DMD: variants seen among roughly 807,000 people sequenced by gnomAD.
The protein encoded by DMD is dystrophin.
In DMD, 63 loss-of-function variants were observed where a neutral mutation model predicts 330.1. The ratio of observed to expected loss-of-function variants is 0.19; its 90% CI spans 0.16 to 0.24. The LOEUF (loss-of-function observed/expected upper bound fraction) is 0.24, where lower values mean the gene tolerates loss of function less well. DMD is among the 10% of genes least tolerant of loss of function. The pLI is 1.00. For missense variants in DMD, 3,344 were observed against 2,684.1 expected (o/e 1.25, Z -5.43); for synonymous variants, 1,223 against 959.8 (o/e 1.27, Z -5.07).
rs1402666638 is a variant in DMD, at chrX:33,261,314, TA to T, written c.7+77944del. Among the ~76,000 whole-genome samples, 14 of 110,662 alleles carry T rather than the reference TA, an allele frequency of 1.3e-4. No homozygotes were observed. The East Asian group carries it at 3.1e-3, about 25-fold the overall frequency. On this transcript the variant is annotated intron_variant, in intron 1 of 17. Transcript: ENST00000288447. ...ATATAGAAGAATAAGAAAGAAAATA[TA>T]AAAAAAGAAAGAGTGTTATAACACA...
intron 44 of DMD, among the ~76,000 whole-genome samples, chrX:32,135,646 C>T (rs1303054503): frequency 8.9e-6 from 1 of 112,013 alleles, no homozygotes; most frequent in Non-Finnish European, 1.9e-5. Context: ...TCACCTGAGC[C>T]TGGATGGTTG....
intron 44 of DMD, among the ~76,000 whole-genome samples, chrX:32,193,029 A>G (rs1196546534): frequency 9.0e-6 from 1 of 111,616 alleles, no homozygotes; most frequent in Non-Finnish European, 1.9e-5. Context: ...TGCCATCCTC[A>G]TGATGATGAG....
chrX:31,247,675 G>A (rs982590691), intron 63 of DMD, among the ~76,000 whole-genome samples: 1 of 110,467 alleles, frequency 9.1e-6, no homozygotes, highest in Non-Finnish European at 1.9e-5. Context: ...ATAGGAGGTC[G>A]TCAAAATATC....
intron 1 of DMD, among the ~76,000 whole-genome samples, chrX:33,221,121 C>T (rs1300344138): frequency 9.0e-6 from 1 of 111,425 alleles, no homozygotes; most frequent in Non-Finnish European, 1.9e-5. Context: ...GTGACAAATT[C>T]TCATTTAAAA....
chrX:32,634,294 G>C (rs2058939920), intron 11 of DMD, among the ~76,000 whole-genome samples: 3 of 111,807 alleles, frequency 2.7e-5, no homozygotes, highest in Non-Finnish European at 5.6e-5. Flanking sequence ...TCTGGAATCA[G>C]GGACCCTAGG....
intron 51 of DMD, among the ~76,000 whole-genome samples, chrX:31,745,613 A>G (rs1000586743): frequency 1.8e-5 from 2 of 112,157 alleles, no homozygotes; most frequent in African/African-American, 3.2e-5. Flanking sequence ...GAAGAATATA[A>G]TAACTCCACT....
chrX:31,776,656 A>G (rs1269000524), intron 50 of DMD, among the ~76,000 whole-genome samples: 1 of 108,846 alleles, frequency 9.2e-6, no homozygotes, highest in East Asian at 2.9e-4. Flanking sequence ...GCAAGGCAAG[A>G]CAAGGCAGGA....
chrX:33,338,626 GACATCA>G (rs2054291279), intron 1 of DMD, among the ~76,000 whole-genome samples: 1 of 111,107 alleles, frequency 9.0e-6, no homozygotes, highest in East Asian at 2.9e-4. Flanking sequence ...CAGCTGGGTC[GACATCA>G]ACTTGGCAAA....
At chrX:32,820,425 G>A (rs1173928501) in intron 5 of DMD, among the ~76,000 whole-genome samples, 1 of 111,262 alleles carries the variant, frequency 9.0e-6, no homozygotes, top group Non-Finnish European at 1.9e-5. Context: ...CTGGGTGACA[G>A]AGCGAGACTC....
intron 43 of DMD, among the ~76,000 whole-genome samples, chrX:32,217,700 T>A (rs2097117991): frequency 9.1e-6 from 1 of 109,952 alleles, no homozygotes; most frequent in African/African-American, 3.4e-5. Flanking sequence ...CCAAGAAACC[T>A]GATTTGATCA....
At position 31,199,872 on chromosome X, in the gene DMD, G is replaced by C. The variant is rs977751669; in HGVS notation, c.9807+4089C>G. ...GAAGGAACCAGCCCAGCCTCATTCT[G>C]AAGGTCCTATACTTCAAACAAAGGG... On this transcript the variant is annotated intron_variant, in intron 67 of 78. Transcript: ENST00000357033. Among the ~76,000 whole-genome samples, 8 of 112,157 alleles carry C rather than the reference G, an allele frequency of 7.1e-5. No homozygotes were observed. In the East Asian group the frequency reaches 2.2e-3, roughly 31 times the overall value.
intron 47 of DMD, among the ~76,000 whole-genome samples, chrX:31,905,777 T>C (rs186376526): frequency 8.9e-6 from 1 of 111,795 alleles, no homozygotes; most frequent in African/African-American, 3.2e-5. Context: ...GATGAAGACA[T>C]GTTGGAATTA....
At chrX:32,802,742 G>A (rs1448671322) in intron 7 of DMD, among the ~76,000 whole-genome samples, 2 of 111,880 alleles carry the variant, frequency 1.8e-5, no homozygotes, top group Admixed American at 1.9e-4. Flanking sequence ...TGTGGTTTTT[G>A]TCATTGGTTC....
At chrX:32,678,366 G>A (rs1483132419) in intron 9 of DMD, among the ~76,000 whole-genome samples, 2 of 112,068 alleles carry the variant, frequency 1.8e-5, no homozygotes, top group East Asian at 2.8e-4. Flanking sequence ...AAGGTGAAAT[G>A]TCAACTAAAA....
Position 31,735,683 on chromosome X carries a change from G to A in DMD, c.7543-5935C>T, listed in dbSNP as rs143755776. On this transcript the variant is annotated intron_variant, in intron 51 of 78. Coordinates refer to ENST00000357033, the MANE Select transcript of DMD (RefSeq NM_004006.3). ...TATTCAGATGTGTTACATGGTAATG[G>A]TGGAGTTCCATTCAACACATGCAGC... 2.7e-3 allele frequency among the ~76,000 whole-genome samples: 307 copies of A among 112,013 alleles called. 2 individuals carry two copies. Among genetic ancestry groups the A allele is most frequent in the African/African-American group, 9.4e-3 (290 of 30,860 alleles).
chrX:31,293,713 T>C (rs1433959401), intron 62 of DMD, among the ~76,000 whole-genome samples: 1 of 112,198 alleles, frequency 8.9e-6, no homozygotes, highest in Non-Finnish European at 1.9e-5. Flanking sequence ...ACAAGGTTGT[T>C]CAGGGCACAG....
intron 67 of DMD, among the ~76,000 whole-genome samples, chrX:31,187,427 G>C (rs964420636): frequency 9.0e-6 from 1 of 111,463 alleles, no homozygotes; most frequent in Non-Finnish European, 1.9e-5. Flanking sequence ...TGATTGCGGA[G>C]AATGTACCTC....
At chrX:31,603,535 A>G (rs2077472513) in intron 55 of DMD, among the ~76,000 whole-genome samples, 1 of 111,752 alleles carries the variant, frequency 8.9e-6, no homozygotes, top group African/African-American at 3.2e-5. Context: ...TCGTATTTCC[A>G]GGTTTTCAAG....
At chrX:32,734,599 G>T (rs1251805357) in intron 7 of DMD, among the ~76,000 whole-genome samples, 3 of 104,061 alleles carry the variant, frequency 2.9e-5, no homozygotes, top group South Asian at 4.4e-4. Flanking sequence ...GGGATGCAAG[G>T]CTGGTTCAAT....
Sources: allele counts gnomAD v4.1 joint callset (sites outside exome capture counted in the v4.1 genomes callset), GRCh38; gene constraint gnomAD v4.1.1; transcripts MANE v1.5; gene names NCBI Gene and HGNC (gene_info 2026-07-23, HGNC 2026-07-21).